The following WWOX variants were observed in gnomAD, a reference collection of about 807,000 sequenced individuals.
WWOX encodes the protein WW domain containing oxidoreductase.
A neutral mutation model predicts 46.2 loss-of-function variants in WWOX; 69 were observed. The observed-to-expected ratio is 1.49, with a 90% CI of 1.23 to 1.82. The LOEUF (loss-of-function observed/expected upper bound fraction) is 1.82, where lower values mean the gene tolerates loss of function less well. Ranked by LOEUF, WWOX falls within the 40% of genes most tolerant of loss-of-function variation. The pLI is 0.00. For synonymous variants in WWOX, 359 were observed against 202.6 expected (o/e 1.77, Z -6.56); for missense variants, 919 against 542.6 (o/e 1.69, Z -6.89).
chr16:79,155,622 C>G (rs2050366056), intron 8 of WWOX, among the ~76,000 whole-genome samples: 1 of 151,722 alleles, frequency 6.6e-6, no homozygotes, highest in African/African-American at 2.4e-5. Flanking sequence ...AGGGCTTTTA[C>G]TCAATGATAC....
chr16:78,266,896 A>G (rs556857722), intron 5 of WWOX, among the ~76,000 whole-genome samples: 11 of 149,480 alleles, frequency 7.4e-5, no homozygotes, highest in African/African-American at 2.7e-4. Flanking sequence ...CTCAACTTGA[A>G]TTGCATCTCC....
intron 8 of WWOX, among the ~76,000 whole-genome samples, chr16:79,068,973 G>A (rs2048497076): frequency 6.6e-6 from 1 of 152,162 alleles, no homozygotes; most frequent in Non-Finnish European, 1.5e-5. Flanking sequence ...CTTACGCACA[G>A]GCGTAAGATA....
At chr16:79,126,319 A>T (rs931562831) in intron 8 of WWOX, among the ~76,000 whole-genome samples, 30 of 152,208 alleles carry the variant, frequency 2.0e-4, no homozygotes, top group African/African-American at 7.0e-4. Context: ...AAGTGATATG[A>T]TTTGGCTCTG....
At chr16:78,375,901 G>A (rs4888796) in intron 5 of WWOX, among the ~76,000 whole-genome samples, 1 of 148,614 alleles carries the variant, frequency 6.7e-6, no homozygotes, top group Admixed American at 6.7e-5. Context: ...GCCCAGGCTC[G>A]AGTGCAGTGG....
At chr16:78,136,990 G>C (rs368976122) in intron 4 of WWOX, among the ~76,000 whole-genome samples, 2 of 152,176 alleles carry the variant, frequency 1.3e-5, no homozygotes, top group South Asian at 2.1e-4. Context: ...GAGGAGAGGA[G>C]AGGCAGAGCT....
intron 8 of WWOX, among the ~76,000 whole-genome samples, chr16:78,816,537 C>G (rs1047212407): frequency 5.6e-5 from 3 of 53,118 alleles, no homozygotes; most frequent in African/African-American, 1.3e-4. Flanking sequence ...TTTTTTGATA[C>G]AATGAGGGGA....
chr16:78,133,251 A>T (rs73564540), intron 4 of WWOX, among the ~76,000 whole-genome samples: 3 of 152,170 alleles, frequency 2.0e-5, no homozygotes, highest in Admixed American at 6.5e-5. Flanking sequence ...CTGAAAGTGA[A>T]AATTTTATTT....
chr16:78,377,129 C>G (rs967896072), intron 5 of WWOX, among the ~76,000 whole-genome samples: 1 of 152,212 alleles, frequency 6.6e-6, no homozygotes, highest in African/African-American at 2.4e-5. Context: ...AAGAACACAG[C>G]TATTAAATAT....
chr16:79,175,238 G>A (rs367962103), intron 8 of WWOX, among the ~76,000 whole-genome samples: 1 of 152,324 alleles, frequency 6.6e-6, no homozygotes, highest in Admixed American at 6.5e-5. Context: ...TTGCTGAAGT[G>A]CTTCTCAGTG....
intron 5 of WWOX, among the ~76,000 whole-genome samples, chr16:78,367,733 A>G (rs1241782102): frequency 6.6e-6 from 1 of 150,622 alleles, no homozygotes; most frequent in Admixed American, 6.6e-5. Context: ...GAGAACTACC[A>G]TCCCATTTGG....
intron 5 of WWOX, among the ~76,000 whole-genome samples, chr16:78,383,255 G>C (rs1289038443): frequency 6.6e-6 from 1 of 152,068 alleles, no homozygotes; most frequent in East Asian, 1.9e-4. Context: ...AAATTGTGTT[G>C]TGTTGATGTT....
At chr16:78,741,981 C>A (rs948224600) in intron 8 of WWOX, among the ~76,000 whole-genome samples, 2 of 152,204 alleles carry the variant, frequency 1.3e-5, no homozygotes, top group African/African-American at 4.8e-5. Context: ...GTCTCTCTCC[C>A]TCCTTACCTG....
At chr16:78,439,404 C>A (rs1364823138) in intron 8 of WWOX, among the ~76,000 whole-genome samples, 1 of 152,160 alleles carries the variant, frequency 6.6e-6, no homozygotes, top group African/African-American at 2.4e-5. Flanking sequence ...TCCTCTTACA[C>A]CACTGAGGCC....
intron 8 of WWOX, among the ~76,000 whole-genome samples, chr16:78,670,693 A>C (rs991061782): frequency 7.2e-5 from 11 of 152,104 alleles, no homozygotes; most frequent in African/African-American, 2.7e-4. Flanking sequence ...TATTTAAAAA[A>C]CAGAGATAGA....
chr16:78,554,049 T>G (rs1263046816), intron 8 of WWOX, among the ~76,000 whole-genome samples: 1 of 152,112 alleles, frequency 6.6e-6, no homozygotes, highest in African/African-American at 2.4e-5. Flanking sequence ...TCTGAGTTGT[T>G]CCACAGATAC....
At chr16:78,865,595 C>T (rs1455566851) in intron 8 of WWOX, among the ~76,000 whole-genome samples, 4 of 151,960 alleles carry the variant, frequency 2.6e-5, no homozygotes, top group East Asian at 3.9e-4. Context: ...TGTGTGTGGC[C>T]GGCCAGGTGC....
intron 8 of WWOX, among the ~76,000 whole-genome samples, chr16:78,805,784 T>C (rs2051018929): frequency 6.6e-6 from 1 of 152,226 alleles, no homozygotes; most frequent in Admixed American, 6.5e-5. Flanking sequence ...CCAGTTTTTG[T>C]TTTGTTTTTG....
At chr16:79,037,641 C>A (rs567787004) in intron 8 of WWOX, among the ~76,000 whole-genome samples, 4 of 152,176 alleles carry the variant, frequency 2.6e-5, no homozygotes, top group African/African-American at 4.8e-5. Context: ...GCCACACCCT[C>A]CCAACCTCCT....
intron 8 of WWOX, among the ~76,000 whole-genome samples, chr16:79,175,390 G>A (rs1328743899): frequency 6.6e-6 from 1 of 152,178 alleles, no homozygotes; most frequent in African/African-American, 2.4e-5. Flanking sequence ...TATTTTGGAT[G>A]AGCTTTGTTC....
Sources: allele counts gnomAD v4.1 joint callset (sites outside exome capture counted in the v4.1 genomes callset), GRCh38; gene constraint gnomAD v4.1.1; transcripts MANE v1.5; gene names NCBI Gene and HGNC (gene_info 2026-07-23, HGNC 2026-07-21).